LARGE1: variants seen among roughly 807,000 people sequenced by gnomAD.
LARGE1 encodes the protein LARGE xylosyl- and glucuronyltransferase 1.
A neutral mutation model predicts 87.6 loss-of-function variants in LARGE1; 43 were observed. The ratio of observed to expected loss-of-function variants is 0.49; its 90% CI spans 0.38 to 0.63. The LOEUF (loss-of-function observed/expected upper bound fraction) is 0.63. LARGE1 is among the 30% of genes least tolerant of loss of function. The pLI, the probability that LARGE1 is intolerant of heterozygous loss-of-function variation, is 0.00. For synonymous variants in LARGE1, 434 were observed against 394.6 expected (o/e 1.10, Z -1.18); for missense variants, 802 against 1,000.2 (o/e 0.80, Z 2.67).
chr22:33,886,491 T>A (rs762028271), intron 1 of LARGE1, among the ~76,000 whole-genome samples: 2 of 151,656 alleles, frequency 1.3e-5, no homozygotes, highest in Non-Finnish European at 2.9e-5. Context: ...AGCCTGGCCA[T>A]CATGACGAAA....
downstream of LARGE1, among the ~76,000 whole-genome samples, chr22:33,269,680 A>AT (rs753333774): frequency 6.6e-6 from 1 of 150,900 alleles, no homozygotes; most frequent in Non-Finnish European, 1.5e-5. Flanking sequence ...ACTGCCTGAC[A>AT]TTTTTTCATT....
chr22:33,174,018 C>T (rs1016403063), intron 11 of LARGE1, among the ~76,000 whole-genome samples: 3 of 152,138 alleles, frequency 2.0e-5, no homozygotes, highest in African/African-American at 4.8e-5. Context: ...AACTCTCCAC[C>T]CCAAATCAAC....
At chr22:33,507,111 CCT>C (rs2070805461) in intron 6 of LARGE1, among the ~76,000 whole-genome samples, 1 of 152,148 alleles carries the variant, frequency 6.6e-6, no homozygotes, top group Non-Finnish European at 1.5e-5. Context: ...CCCCCCAACC[CCT>C]GTCACAGTGA....
chr22:33,272,358 A>T (rs112438247), downstream of LARGE1, among the ~76,000 whole-genome samples: 55 of 152,320 alleles, frequency 3.6e-4, 1 homozygote, highest in African/African-American at 1.3e-3. Flanking sequence ...AGTCAATGAT[A>T]TGCTGCTGGT....
intron 6 of LARGE1, among the ~76,000 whole-genome samples, chr22:33,495,130 G>A (rs1176509484): frequency 6.9e-6 from 1 of 144,100 alleles, no homozygotes; most frequent in Non-Finnish European, 1.5e-5. Context: ...GACACACAGA[G>A]GCCTCCTTTC....
chr22:33,080,033 G>A, the LARGE1 span, among the ~76,000 whole-genome samples: 1 of 152,120 alleles, frequency 6.6e-6, no homozygotes, highest in African/African-American at 2.4e-5. Flanking sequence ...GCATGTGGAG[G>A]GAAGGCTTCT....
Position 33,274,460 on chromosome 22 carries a change from G to A in LARGE1, c.2238C>T (p.Ala746=). 1 of 1,614,202 alleles carries A rather than the reference G, an allele frequency of 6.2e-7. No homozygotes were observed. The highest frequency in any genetic ancestry group is 8.5e-7 in the Non-Finnish European group (1 of 1,180,044). Residue 746 remains alanine (A), a synonymous_variant, in exon 15 of 15, where the codon GCC becomes GCT. Coordinates refer to ENST00000397394, the MANE Select transcript of LARGE1 (RefSeq NM_133642.5). ...TGTTCTCGGCTGTGAGATATTTCAG[G>A]GCAGCAAAGCCGTAGCGGCGGGACA... is the stretch of plus-strand genomic sequence containing the variant. ...QDMSRRYGFA[A]LKYLTAENNS
chr22:33,841,456 G>A (rs578026476), intron 1 of LARGE1, among the ~76,000 whole-genome samples: 3 of 152,240 alleles, frequency 2.0e-5, no homozygotes, highest in South Asian at 4.1e-4. Flanking sequence ...TCATCCACAC[G>A]GACTTCATAC....
chr22:33,445,853 T>C (rs537937706), intron 6 of LARGE1, among the ~76,000 whole-genome samples: 115 of 152,234 alleles, frequency 7.6e-4, no homozygotes, highest in African/African-American at 2.3e-3. Flanking sequence ...TTTCACCATA[T>C]TGGCCAGGCT....
chr22:33,551,462 C>T (rs79179800), intron 6 of LARGE1, among the ~76,000 whole-genome samples: 2 of 152,306 alleles, frequency 1.3e-5, no homozygotes, highest in African/African-American at 4.8e-5. Context: ...CTTCACATGG[C>T]TATTAGTTCA....
chr22:33,669,184 A>G (rs2081342553), intron 2 of LARGE1, among the ~76,000 whole-genome samples: 1 of 152,240 alleles, frequency 6.6e-6, no homozygotes, highest in Non-Finnish European at 1.5e-5. Flanking sequence ...CTCAGCTTCA[A>G]TTAACTGGGA....
At chr22:33,246,689 T>C (rs1419426487) in intron 11 of LARGE1, among the ~76,000 whole-genome samples, 1 of 152,184 alleles carries the variant, frequency 6.6e-6, no homozygotes, top group Non-Finnish European at 1.5e-5. Flanking sequence ...AGAGAAATTA[T>C]TAAGCATGAA....
chr22:33,356,606 A>G (rs1456204364), intron 9 of LARGE1, among the ~76,000 whole-genome samples: 1 of 152,090 alleles, frequency 6.6e-6, no homozygotes, highest in Non-Finnish European at 1.5e-5. Flanking sequence ...ACCCATCTCT[A>G]CTAAAAATAC....
intron 6 of LARGE1, among the ~76,000 whole-genome samples, chr22:33,519,393 A>G (rs1402850962): frequency 1.3e-5 from 2 of 152,016 alleles, no homozygotes; most frequent in Admixed American, 6.6e-5. Context: ...TGCCACGGGG[A>G]TATCTAAATT....
At chr22:33,537,812 C>A (rs1197648013) in intron 6 of LARGE1, among the ~76,000 whole-genome samples, 1 of 152,152 alleles carries the variant, frequency 6.6e-6, no homozygotes, top group Non-Finnish European at 1.5e-5. Context: ...ACCTCGTGAT[C>A]CACCCGCCTC....
At chr22:33,089,208 C>G in the LARGE1 span, among the ~76,000 whole-genome samples, 1 of 152,246 alleles carries the variant, frequency 6.6e-6, no homozygotes, top group Non-Finnish European at 1.5e-5. Flanking sequence ...CCAAATCCAC[C>G]TCACAGCTGA....
chr22:33,341,108 T>G (rs912075715), intron 9 of LARGE1, among the ~76,000 whole-genome samples: 1 of 151,994 alleles, frequency 6.6e-6, no homozygotes, highest in Admixed American at 6.6e-5. Flanking sequence ...GGTGATGACA[T>G]TAGGAGGTGG....
At chr22:33,900,050 C>T (rs901176919) in intron 1 of LARGE1, among the ~76,000 whole-genome samples, 1 of 152,184 alleles carries the variant, frequency 6.6e-6, no homozygotes, top group African/African-American at 2.4e-5. Flanking sequence ...TTAGCCTCTG[C>T]CCCAAGTGAA....
intron 4 of LARGE1, among the ~76,000 whole-genome samples, chr22:33,625,563 A>G (rs1018826699): frequency 6.6e-6 from 1 of 152,190 alleles, no homozygotes; most frequent in Non-Finnish European, 1.5e-5. Flanking sequence ...AGAATAGAGG[A>G]AGCAACCTGT....
Sources: allele counts gnomAD v4.1 joint callset (sites outside exome capture counted in the v4.1 genomes callset), GRCh38; gene constraint gnomAD v4.1.1; transcripts MANE v1.5; gene names NCBI Gene and HGNC (gene_info 2026-07-23, HGNC 2026-07-21).